Variants in TANC1 observed in about 807,000 individuals in gnomAD.
The protein encoded by TANC1 is tetratricopeptide repeat, ankyrin repeat and coiled-coil containing 1.
TANC1 carries 77 observed loss-of-function variants against 149.7 expected under a neutral mutation model. That is an observed-to-expected ratio of 0.51 (90% confidence interval 0.43 to 0.62). The LOEUF is 0.62. Among genes scored for constraint, TANC1 ranks in the 20% least tolerant of loss-of-function variants. The pLI, the probability that TANC1 is intolerant of heterozygous loss-of-function variation, is 0.00. For synonymous variants in TANC1, 854 were observed against 925.0 expected (o/e 0.92, Z 1.39); for missense variants, 1,985 against 2,321.8 (o/e 0.85, Z 2.98).
chr2:159,194,306 A>G lies in TANC1; in HGVS notation c.2792A>G (p.Glu931Gly). 1 of 1,614,252 alleles carries G rather than the reference A, an allele frequency of 6.2e-7. No individual in the cohort carries two copies. Among genetic ancestry groups the G allele is most frequent in the Non-Finnish European group, 8.5e-7 (1 of 1,180,042 alleles). The change falls in exon 17 of 27, where the codon GAA becomes GGA. Residue 931 changes from glutamate to glycine, a missense_variant. This residue lies in a region of TANC1 where 508 missense variants were observed against 714.2 expected (regional missense o/e 0.71). Transcript: ENST00000263635. ...LGGANVNYRT[E>G]VLNNAPILCV... The stretch of plus-strand genomic sequence containing the variant: ...GGGGCCAACGTGAACTACAGGACAG[A>G]AGTGTTAAATAATGCCCCAATCCTG...
intron 7 of TANC1, 33 bp from the exon 8 acceptor site, chr2:159,163,250 C>T (rs2054234074): frequency 6.3e-7 from 1 of 1,597,678 alleles, no homozygotes; most frequent in Non-Finnish European, 8.5e-7. Context: ...CTGTGCCTGG[C>T]CTCCTTCAAA....
Position 159,048,583 on chromosome 2 carries a change from C to T in TANC1, c.-15-17313C>T, listed in dbSNP as rs146552864. ...TACATGAGCCCTCTTTTTTTATAAA[C>T]GACAATGTGAACATAGAAATTTTCC... is the stretch of plus-strand genomic sequence containing the variant. On this transcript the variant is annotated intron_variant, in intron 2 of 26. Coordinates refer to ENST00000263635, the MANE Select transcript of TANC1 (RefSeq NM_033394.3). 2.7e-3 allele frequency among the ~76,000 whole-genome samples: 405 copies of T among 152,188 alleles called. 3 individuals are homozygous for T. Among genetic ancestry groups the T allele is most frequent in the African/African-American group, 9.1e-3 (377 of 41,518 alleles).
At chr2:158,972,617 CTT>C (rs1329091749) in intron 1 of TANC1, among the ~76,000 whole-genome samples, 1 of 152,164 alleles carries the variant, frequency 6.6e-6, no homozygotes, top group Non-Finnish European at 1.5e-5. Flanking sequence ...GCTGTAGGCT[CTT>C]TTATGTCTGA....
chr2:158,982,644 G>C (rs577086104), intron 1 of TANC1, among the ~76,000 whole-genome samples: 1 of 152,308 alleles, frequency 6.6e-6, no homozygotes, highest in African/African-American at 2.4e-5. Context: ...GTTTTGCTCT[G>C]TTGCCCAGGC....
At chr2:159,126,778 C>A (rs2049494744) in intron 4 of TANC1, among the ~76,000 whole-genome samples, 2 of 152,236 alleles carry the variant, frequency 1.3e-5, no homozygotes, top group Admixed American at 6.5e-5. Context: ...AAATAAAATT[C>A]AAATGATATA....
chr2:159,067,535 A>C (rs2042777053), intron 3 of TANC1, among the ~76,000 whole-genome samples: 1 of 152,236 alleles, frequency 6.6e-6, no homozygotes, highest in Non-Finnish European at 1.5e-5. Context: ...CTGGGTCAAG[A>C]CCAAAATGTC....
intron 2 of TANC1, among the ~76,000 whole-genome samples, chr2:159,038,059 G>T (rs969847952): frequency 4.6e-5 from 7 of 152,150 alleles, no homozygotes; most frequent in Admixed American, 1.3e-4. Context: ...TCTCCTTGAA[G>T]AAGTCCTTCA....
At chr2:159,093,437 CGTGGAT>C (rs2045753716) in intron 3 of TANC1, among the ~76,000 whole-genome samples, 1 of 152,160 alleles carries the variant, frequency 6.6e-6, no homozygotes, top group Non-Finnish European at 1.5e-5. Flanking sequence ...GTATTGTTCA[CGTGGAT>C]GCCCCTAAGA....
intron 16 of TANC1, among the ~76,000 whole-genome samples, chr2:159,189,417 C>T (rs2150647501): frequency 6.6e-6 from 1 of 152,340 alleles, no homozygotes; most frequent in East Asian, 1.9e-4. Context: ...CCTCCTGTGC[C>T]TTCCAGAGGT....
intron 7 of TANC1, among the ~76,000 whole-genome samples, chr2:159,159,047 T>C (rs2053726941): frequency 6.6e-6 from 1 of 152,248 alleles, no homozygotes; most frequent in South Asian, 2.1e-4. Flanking sequence ...CTTCTTGATG[T>C]TCATTTAAGC....
In TANC1 at chr2:159,004,006, T is replaced by C. The variant is rs578225796; in HGVS notation, c.-16+2817T>C. On this transcript the variant is annotated intron_variant, in intron 2 of 26. Transcript: ENST00000263635. The stretch of plus-strand genomic sequence containing the variant: ...CTGGCTGTGAATAATATAGCTGGTA[T>C]TGAAGAGGTGAACATGATTAAAGAT... 3.8e-5 allele frequency: 62 copies of C among 1,612,460 alleles called. 1 individual carries two copies. In the African/African-American group the frequency reaches 7.5e-4, roughly 19 times the overall value.
At chr2:158,991,748 A>AAAAG (rs1312878743) in intron 1 of TANC1, among the ~76,000 whole-genome samples, 3 of 152,094 alleles carry the variant, frequency 2.0e-5, no homozygotes, top group Non-Finnish European at 2.9e-5. Context: ...TCTGTCTCAA[A>AAAAG]AAAGAAAGAA....
chr2:159,215,182 C>A (rs7570136), intron 19 of TANC1, among the ~76,000 whole-genome samples: 66,853 of 152,046 alleles, frequency 0.44, 15,842 homozygotes, highest in Non-Finnish European at 0.55. Context: ...AAGACCAGGA[C>A]TGCCTGCTGC....
rs35472970 is a variant in TANC1 at position 158,983,468 on chromosome 2, CAAAAAA to C, written c.-126+14700_-126+14705del. 5.6e-5 allele frequency among the ~76,000 whole-genome samples: 5 copies of C among 88,806 alleles called. No individual in the cohort carries two copies. The East Asian group carries it at 1.6e-3, about 28-fold the overall frequency. 58.3% of individuals were successfully genotyped at this position (88,806 alleles called of 152,430 possible). The stretch of plus-strand genomic sequence containing the variant: ...GGAGACAGAGCAAGACTCCGTCTCC[CAAAAAA>C]AAAAAAAAAAAAACACCAAACAAAC... On this transcript the variant is annotated intron_variant, in intron 1 of 26. Transcript: ENST00000263635.
intron 2 of TANC1, among the ~76,000 whole-genome samples, chr2:159,042,422 C>T (rs960721994): frequency 6.6e-6 from 1 of 152,112 alleles, no homozygotes; most frequent in Non-Finnish European, 1.5e-5. Context: ...GGACACTTCC[C>T]AGGGAGATAG....
chr2:159,108,162 G>A (rs778578905), intron 4 of TANC1, among the ~76,000 whole-genome samples: 12 of 152,202 alleles, frequency 7.9e-5, no homozygotes, highest in Admixed American at 3.9e-4. Context: ...AGCTGGGAAT[G>A]TACCTTTCCC....
intron 4 of TANC1, among the ~76,000 whole-genome samples, chr2:159,124,945 GT>G (rs1455344402): frequency 6.8e-6 from 1 of 147,826 alleles, no homozygotes; most frequent in African/African-American, 2.5e-5. Flanking sequence ...GTTTCACCAT[GT>G]TTCCCAGGCT....
intron 1 of TANC1, among the ~76,000 whole-genome samples, chr2:158,969,066 C>T (rs2032413414): frequency 6.6e-6 from 1 of 152,212 alleles, no homozygotes; most frequent in South Asian, 2.1e-4. Context: ...ACCGAGCCGG[C>T]CTCCCCTGGA....
At chr2:159,149,857 AG>A (rs2052585112) in intron 6 of TANC1, 1 of 168,634 alleles carries the variant, frequency 5.9e-6, no homozygotes, top group Admixed American at 5.7e-5. Flanking sequence ...CTGCACTGCA[AG>A]GGAGGGTGTC....
Sources: allele counts gnomAD v4.1 joint callset (sites outside exome capture counted in the v4.1 genomes callset), GRCh38; gene constraint gnomAD v4.1.1; regional missense constraint gnomAD v4.1.1; transcripts MANE v1.5; gene names NCBI Gene and HGNC (gene_info 2026-07-23, HGNC 2026-07-21).